Variants in CNOT4 observed in about 807,000 individuals in gnomAD.
CNOT4 encodes the protein CCR4-NOT transcription complex subunit 4.
A neutral mutation model predicts 73.8 loss-of-function variants in CNOT4; 8 were observed. That is an observed-to-expected ratio of 0.11 (90% CI 0.06 to 0.20). CNOT4 has a LOEUF of 0.20. CNOT4 is among the 10% of genes least tolerant of loss of function. CNOT4 has a pLI of 1.00. For synonymous variants in CNOT4, 293 were observed against 321.1 expected (o/e 0.91, Z 0.94); for missense variants, 564 against 883.4 (o/e 0.64, Z 4.58).
intron 2 of CNOT4, among the ~76,000 whole-genome samples, chr7:135,430,364 G>A (rs948739844): frequency 2.0e-5 from 3 of 152,296 alleles, no homozygotes; most frequent in East Asian, 1.9e-4. Context: ...TAGGCCAGAC[G>A]TAGTGGTTCG....
intron 2 of CNOT4, among the ~76,000 whole-genome samples, chr7:135,437,659 T>C (rs1697169657): frequency 6.6e-6 from 1 of 152,234 alleles, no homozygotes; most frequent in African/African-American, 2.4e-5. Context: ...CTAAAATTGC[T>C]GTAAGGGCTC....
chr7:135,432,170 T>C (rs1485630401), intron 2 of CNOT4, among the ~76,000 whole-genome samples: 1 of 152,188 alleles, frequency 6.6e-6, no homozygotes, highest in African/African-American at 2.4e-5. Flanking sequence ...ATGGACAGAA[T>C]ACAGATGCTA....
intron 1 of CNOT4, among the ~76,000 whole-genome samples, chr7:135,457,791 G>A (rs1800637125): frequency 1.3e-5 from 2 of 152,096 alleles, no homozygotes; most frequent in South Asian, 2.1e-4. Context: ...GGACTCTATA[G>A]CATATAAAAC....
chr7:135,457,318 G>A (rs2129486154), intron 1 of CNOT4, among the ~76,000 whole-genome samples: 1 of 152,002 alleles, frequency 6.6e-6, no homozygotes, highest in East Asian at 1.9e-4. Flanking sequence ...GAGACAAAGG[G>A]AAAGAGAAAT....
chr7:135,486,790 G>A (rs1010435388), intron 1 of CNOT4, among the ~76,000 whole-genome samples: 1 of 152,108 alleles, frequency 6.6e-6, no homozygotes, highest in Admixed American at 6.6e-5. Context: ...CATAAGAATA[G>A]TCTCCTGAGG....
At position 135,510,084 on chromosome 7, in the gene CNOT4, A is replaced by G. The variant is rs1046620328; in HGVS notation, c.-288T>C. ...ACAGCCAGACGGGCCACCATCTTAC[A>G]TTAGGGTAAGACTCCTCCGGCCTCC... On this transcript the variant is annotated 5_prime_UTR_variant, in exon 1 of 12. An upstream start codon of the reference 5' UTR is lost. Coordinates refer to ENST00000541284, the MANE Select transcript of CNOT4 (RefSeq NM_001190850.2). 1.3e-5 allele frequency: 5 copies of G among 398,670 alleles called. No homozygotes were observed. The highest frequency in any genetic ancestry group is 4.1e-5 in the African/African-American group (2 of 48,566). The allele number at this position is 398,670 out of a possible 1,614,324, so 24.7% of individuals were successfully genotyped here.
chr7:135,491,291 G>C (rs972377040), intron 1 of CNOT4, among the ~76,000 whole-genome samples: 17 of 152,196 alleles, frequency 1.1e-4, no homozygotes, highest in African/African-American at 3.6e-4. Flanking sequence ...ATTGCTAAGG[G>C]AATGAGCATA....
chr7:135,437,603 T>C (rs1319825627), intron 2 of CNOT4, among the ~76,000 whole-genome samples: 2 of 152,238 alleles, frequency 1.3e-5, no homozygotes, highest in Non-Finnish European at 2.9e-5. Context: ...ACAAGTTATC[T>C]AAGCTCCTGT....
At chr7:135,432,394 G>A (rs1298646923) in intron 2 of CNOT4, among the ~76,000 whole-genome samples, 1 of 152,128 alleles carries the variant, frequency 6.6e-6, no homozygotes, top group African/African-American at 2.4e-5. Flanking sequence ...TTCCCCTAGA[G>A]TTAATCTGTT....
intron 1 of CNOT4, among the ~76,000 whole-genome samples, chr7:135,497,229 G>A (rs906609228): frequency 6.6e-6 from 1 of 151,882 alleles, no homozygotes; most frequent in African/African-American, 2.4e-5. Flanking sequence ...CCAACACAGT[G>A]AAACCCCATC....
At chr7:135,479,815 G>A (rs2129487187) in intron 1 of CNOT4, among the ~76,000 whole-genome samples, 1 of 152,192 alleles carries the variant, frequency 6.6e-6, no homozygotes, top group Non-Finnish European at 1.5e-5. Context: ...GCTTGAGCCT[G>A]GGAAGTGGAG....
At chr7:135,495,695 AAAGAAAGAAAGAAAGAAAGAAAG>A (rs1803493049) in intron 1 of CNOT4, among the ~76,000 whole-genome samples, 3 of 15,326 alleles carry the variant, frequency 2.0e-4, no homozygotes, top group South Asian at 3.1e-3. Flanking sequence ...AAAAAAAAAG[AAAGAAAGAAAGAAAGAAAGAAAG>A]AAAGAAAGAA....
chr7:135,502,923 C>T (rs1469243233), intron 1 of CNOT4, among the ~76,000 whole-genome samples: 7 of 142,256 alleles, frequency 4.9e-5, no homozygotes, highest in South Asian at 2.3e-4. Context: ...GAGGCTGAGG[C>T]AGGTGGATCA....
Position 135,363,935 on chromosome 7 carries a change from C to T in CNOT4, c.1759G>A (p.Ala587Thr), listed in dbSNP as rs2129482340. The change falls in exon 11 of 12, where the codon GCA (alanine) becomes ACA (threonine). Residue 587 changes from alanine to threonine, a missense_variant. Physicochemically the swap from Ala to Thr is moderately conservative, Grantham distance 58. Transcript: ENST00000541284. The surrounding 1 kb of genome is among the most constrained non-coding windows in gnomAD (Gnocchi z 4.3). ...SSSPSNANHS[A>T]PTSNTATTDS... ...GTGGTGGCAGTGTTGGACGTTGGTGCACTGTGGTTGGCGTTGGAGGGGGAA... is the reference window on the plus strand; with the variant it reads ...GTGGTGGCAGTGTTGGACGTTGGTGTACTGTGGTTGGCGTTGGAGGGGGAA... 6.3e-7 allele frequency: 1 copy of T among 1,598,418 alleles called. No homozygotes were observed. The highest frequency in any genetic ancestry group is 8.5e-7 in the Non-Finnish European group (1 of 1,179,754).
intron 10 of CNOT4, among the ~76,000 whole-genome samples, chr7:135,371,753 A>T (rs1236370447): frequency 6.6e-6 from 1 of 152,190 alleles, no homozygotes; most frequent in Admixed American, 6.5e-5. Flanking sequence ...AAAGTTATAT[A>T]AAAAAAGAGG....
intron 8 of CNOT4, 139 bp downstream of exon 8, chr7:135,398,030 T>C (rs2129483548): frequency 6.1e-6 from 4 of 658,736 alleles, no homozygotes; most frequent in Middle Eastern, 2.5e-4. Flanking sequence ...AGGCTAATTA[T>C]AATATGATTA....
intron 1 of CNOT4, among the ~76,000 whole-genome samples, chr7:135,507,491 T>C (rs1337880534): frequency 6.6e-6 from 1 of 152,160 alleles, no homozygotes; most frequent in Non-Finnish European, 1.5e-5. Context: ...GTACTAAAGA[T>C]ACAAAAGTAA....
chr7:135,437,291 G>A (rs10238568), intron 2 of CNOT4, among the ~76,000 whole-genome samples: 7 of 151,978 alleles, frequency 4.6e-5, no homozygotes, highest in African/African-American at 9.7e-5. Context: ...CCGGGTTCAC[G>A]CCATTCTCCT....
In CNOT4 at chr7:135,396,429, TTTACA is replaced by T. The variant is rs573089825; in HGVS notation, c.880-551_880-547del. 1.2e-3 allele frequency among the ~76,000 whole-genome samples: 178 copies of T among 152,284 alleles called. No homozygotes were observed. In the South Asian group the frequency reaches 0.012, roughly 10 times the overall value. ...ACCGTGCCCGGCCATCTCCTCTCTT[TTTACA>T]ACTTTACTTCTCTCACTTTACCAAG... is the stretch of plus-strand genomic sequence containing the variant. On this transcript the variant is annotated intron_variant, in intron 8 of 11. Transcript: ENST00000541284.
Sources: gnomAD v4.1 joint callset for allele counts (sites outside exome capture counted in the v4.1 genomes callset) on GRCh38, gnomAD v4.1.1 for gene constraint, Gnocchi (gnomAD v3.1) non-coding constraint, MANE v1.5 for transcripts, NCBI Gene and HGNC (gene_info 2026-07-23, HGNC 2026-07-21) for gene names.